Variants in CORO7 observed in about 807,000 individuals in gnomAD.
The protein encoded by CORO7 is coronin 7.
A neutral mutation model predicts 126.6 loss-of-function variants in CORO7; 107 were observed. That is an observed-to-expected ratio of 0.85 (90% CI 0.72 to 0.99). The LOEUF (loss-of-function observed/expected upper bound fraction) is 0.99. CORO7 is among the 50% of genes least tolerant of loss of function. The probability of loss-of-function intolerance (pLI) is 0.00; values close to 1 mark genes in which losing one functional copy is unlikely to be tolerated. For synonymous variants in CORO7, 603 were observed against 536.8 expected, an observed-to-expected ratio of 1.12 and a Z score of -1.70; for missense variants, 1,314 against 1,255.8, an observed-to-expected ratio of 1.05 and a Z score of -0.70.
Position 4,362,460 on chromosome 16 carries a change from C to A in CORO7, c.1402+152G>T. On this transcript the variant is annotated intron_variant, in intron 15 of 27. Transcript: ENST00000251166. This position sits in a 1 kb window ranked among gnomAD's most constrained non-coding sequence, Gnocchi z 5.3. ...TGAGACTCAGCCACCACACCCCAGC[C>A]CCCAGGACAAATGACCCTGCCAGTG... 2 of 1,407,762 alleles carry A rather than the reference C, an allele frequency of 1.4e-6. No homozygotes were observed. The highest frequency in any genetic ancestry group is 9.3e-7 in the Non-Finnish European group (1 of 1,070,568). The allele number at this position is 1,407,762 out of a possible 1,614,324, so 87.2% of individuals were successfully genotyped here.
chr16:4,357,127 G>T (rs1479078059), intron 26 of CORO7, 41 bp downstream of exon 26: 2 of 1,611,740 alleles, frequency 1.2e-6, no homozygotes, highest in Non-Finnish European at 1.7e-6. Flanking sequence ...GTGCAGCCAG[G>T]ACTCTGTCAC....
chr16:4,360,156 C>CA, intron 21 of CORO7, 122 bp downstream of exon 21: 1 of 1,284,628 alleles, frequency 7.8e-7, no homozygotes, highest in Non-Finnish European at 1.1e-6. Context: ...TCTACCCACC[C>CA]ACCCAACCAT....
At chr16:4,413,469 G>A (rs1012565457) in intron 1 of CORO7, 65 bp from the exon 2 acceptor site, 2 of 1,454,200 alleles carry the variant, frequency 1.4e-6, no homozygotes, top group East Asian at 2.5e-5. Context: ...CATGCCTAAA[G>A]CAAGAGGTGG....
chr16:4,376,128 ACTCGAGGCCCAGCC>A (rs764580683), intron 9 of CORO7, among the ~76,000 whole-genome samples: 9 of 152,058 alleles, frequency 5.9e-5, no homozygotes, highest in Non-Finnish European at 1.3e-4. Flanking sequence ...TCCCTGAGGA[ACTCGAGGCCCAGCC>A]CTCTCTGCCC....
chr16:4,379,520 G>A lies in CORO7; in HGVS notation c.785+8466C>T, dbSNP rs558199751. ...CTGCTGCACACCTGGGCTCTAGCTC[G>A]GACTTGCTGGCACCGCAATGGCAGC... On this transcript the variant is annotated intron_variant, in intron 9 of 27. Coordinates refer to ENST00000251166, the MANE Select transcript of CORO7 (RefSeq NM_024535.5). 7.9e-5 allele frequency among the ~76,000 whole-genome samples: 12 copies of A among 152,258 alleles called. 1 individual carries two copies. Among genetic ancestry groups the A allele is most frequent in the South Asian group, 6.2e-4 (3 of 4,826 alleles).
chr16:4,384,464 G>T (rs1269449115), intron 9 of CORO7, among the ~76,000 whole-genome samples: 1 of 152,176 alleles, frequency 6.6e-6, no homozygotes, highest in Non-Finnish European at 1.5e-5. Context: ...CGCTGCAGGG[G>T]CACCCAGAAC....
intron 6 of CORO7, 120 bp downstream of exon 6, chr16:4,405,371 C>T (rs770253417): frequency 1.8e-4 from 199 of 1,116,792 alleles, no homozygotes; most frequent in Non-Finnish European, 2.2e-4. Context: ...CACAGATGAC[C>T]ATCCTGACCT....
intron 14 of CORO7, among the ~76,000 whole-genome samples, 176 bp downstream of exon 14, chr16:4,364,100 C>T (rs1248171315): frequency 2.0e-5 from 3 of 152,024 alleles, no homozygotes; most frequent in Middle Eastern, 3.4e-3. Context: ...GCAGGAGAAT[C>T]GCTTGAACCT....
intron 9 of CORO7, chr16:4,381,020 G>A (rs768403654): frequency 5.0e-6 from 8 of 1,609,792 alleles, no homozygotes; most frequent in East Asian, 2.2e-5. Flanking sequence ...ACGGTGCCCC[G>A]AGACGTGCCA....
At chr16:4,396,617 T>G (rs1176651439) in intron 6 of CORO7, among the ~76,000 whole-genome samples, 1 of 152,228 alleles carries the variant, frequency 6.6e-6, no homozygotes, top group East Asian at 1.9e-4. Context: ...TGGGGGCTGG[T>G]TAACTTTTCC....
At chr16:4,407,754 C>G in intron 4 of CORO7, 70 bp from the exon 5 acceptor site, 1 of 1,474,148 alleles carries the variant, frequency 6.8e-7, no homozygotes, top group East Asian at 2.4e-5. Context: ...TGCCGTGACC[C>G]CAGTGAGGTC....
intron 16 of CORO7, 155 bp downstream of exon 16, chr16:4,361,830 G>T: frequency 1.6e-6 from 2 of 1,225,422 alleles, no homozygotes; most frequent in South Asian, 1.3e-5. Flanking sequence ...AAAGTGGCAG[G>T]CCCCATGGCA....
intron 6 of CORO7, among the ~76,000 whole-genome samples, chr16:4,395,560 G>C (rs185766071): frequency 1.7e-4 from 26 of 152,314 alleles, no homozygotes; most frequent in Admixed American, 2.6e-4. Flanking sequence ...GGAGTGTTCA[G>C]CTGCCTGAGA....
intron 6 of CORO7, among the ~76,000 whole-genome samples, 153 bp from the exon 7 acceptor site, chr16:4,395,492 C>A (rs982766948): frequency 2.0e-5 from 3 of 152,200 alleles, no homozygotes; most frequent in African/African-American, 4.8e-5. Flanking sequence ...CCTCCTCAGC[C>A]CTGTTCCTCC....
chr16:4,404,110 A>G (rs2055909648), intron 6 of CORO7, among the ~76,000 whole-genome samples: 1 of 152,220 alleles, frequency 6.6e-6, no homozygotes, highest in South Asian at 2.1e-4. Flanking sequence ...CCACAAAAGC[A>G]GAGTACAGAA....
chr16:4,381,300 T>C (rs776643198), intron 9 of CORO7: 4 of 1,612,304 alleles, frequency 2.5e-6, no homozygotes, highest in Non-Finnish European at 3.4e-6. Context: ...ACATCCAGCC[T>C]GGTGCCTTCG....
Position 4,388,514 on chromosome 16 carries a change from G to A in CORO7, c.702+31C>T, listed in dbSNP as rs368848327. 6.6e-4 allele frequency: 1,055 copies of A among 1,601,236 alleles called. 3 individuals carry two copies. The highest frequency in any genetic ancestry group is 7.5e-4 in the Non-Finnish European group (883 of 1,174,786). Reference sequence around the variant, plus strand: ...GGGCTGGACATGTCCCCACCTGGCCGTGCCCTGCTCCTCCAGGAGGAACCC... The same window carrying A: ...GGGCTGGACATGTCCCCACCTGGCCATGCCCTGCTCCTCCAGGAGGAACCC... On this transcript the variant is annotated intron_variant, in intron 8 of 27. Coordinates refer to ENST00000251166, the MANE Select transcript of CORO7 (RefSeq NM_024535.5).
At chr16:4,403,563 G>A (rs1164306443) in intron 6 of CORO7, among the ~76,000 whole-genome samples, 2 of 152,118 alleles carry the variant, frequency 1.3e-5, no homozygotes, top group African/African-American at 2.4e-5. Flanking sequence ...TGGGTTTAGC[G>A]GGGGAAAACA....
intron 2 of CORO7, chr16:4,413,014 G>A (rs2056270022): frequency 2.8e-6 from 1 of 352,536 alleles, no homozygotes; most frequent in African/African-American, 2.1e-5. Context: ...ATGAGGAGCA[G>A]GGAGCACAGA....
Sources: gnomAD v4.1 joint callset for allele counts (sites outside exome capture counted in the v4.1 genomes callset) on GRCh38, gnomAD v4.1.1 for gene constraint, Gnocchi (gnomAD v3.1) non-coding constraint, MANE v1.5 for transcripts, NCBI Gene and HGNC (gene_info 2026-07-23, HGNC 2026-07-21) for gene names.